The following SLC9A1 variants were observed in gnomAD, a reference collection of about 807,000 sequenced individuals.
SLC9A1 encodes the protein sodium/hydrogen exchanger 1.
In SLC9A1, 22 loss-of-function variants were observed where a neutral mutation model predicts 67.9. The ratio of observed to expected loss-of-function variants is 0.32; its 90% CI spans 0.23 to 0.46. SLC9A1 has a LOEUF of 0.46. Ranked by LOEUF, SLC9A1 falls within the 20% of genes least tolerant of loss-of-function variation. The probability of loss-of-function intolerance (pLI) is 1.00; values close to 1 mark genes in which losing one functional copy is unlikely to be tolerated. For missense variants in SLC9A1, 686 were observed against 1,094.8 expected (o/e 0.63, Z 5.27); for synonymous variants, 421 against 471.8 (o/e 0.89, Z 1.40).
Position 27,102,017 on chromosome 1 carries a change from C to T in SLC9A1, c.1934G>A (p.Arg645Gln), listed in dbSNP as rs780988172. 12 of 1,608,942 alleles carry T rather than the reference C, an allele frequency of 7.5e-6. No homozygotes were observed. Among genetic ancestry groups the T allele is most frequent in the South Asian group, 2.2e-5 (2 of 90,984 alleles). ...LRNNLQKTRQRLRSYNRHTLV... is the reference protein window; with the variant it reads ...LRNNLQKTRQQLRSYNRHTLV... ...TCGGGCTGGGGAGCAGGCCCTCACC[C>T]GCTGCCTGGTCTTCTGCAAGTTGTT... The change falls in exon 9 of 12, where the codon CGG (arginine) becomes CAG (glutamine). Residue 645 changes from arginine (R) to glutamine (Q), a missense_variant and splice_region_variant. Around this residue, in one of 7 missense-constraint regions of SLC9A1, gnomAD observed 226 missense variants for 282.4 expected, o/e 0.80. Coordinates refer to ENST00000263980, the MANE Select transcript of SLC9A1 (RefSeq NM_003047.5).
intron 1 of SLC9A1, among the ~76,000 whole-genome samples, chr1:27,117,568 G>A (rs2083279740): frequency 6.6e-6 from 1 of 152,174 alleles, no homozygotes; most frequent in Non-Finnish European, 1.5e-5. Flanking sequence ...TCCTGCCTGG[G>A]GAGGGGGCAG....
chr1:27,153,114 C>T (rs1284780515), intron 1 of SLC9A1, among the ~76,000 whole-genome samples: 1 of 152,124 alleles, frequency 6.6e-6, no homozygotes, highest in Non-Finnish European at 1.5e-5. Context: ...GTTTCCTTCT[C>T]CCCAAAAGAA....
At chr1:27,150,344 A>G (rs1376521121) in intron 1 of SLC9A1, among the ~76,000 whole-genome samples, 1 of 152,248 alleles carries the variant, frequency 6.6e-6, no homozygotes, top group Non-Finnish European at 1.5e-5. Flanking sequence ...TCAGGAGACA[A>G]GATGAATACC....
chr1:27,107,420 C>A (rs1180757559), intron 4 of SLC9A1, among the ~76,000 whole-genome samples: 1 of 150,056 alleles, frequency 6.7e-6, no homozygotes, highest in Non-Finnish European at 1.5e-5. Flanking sequence ...ACACATCCAG[C>A]CCCCCTACAA....
intron 1 of SLC9A1, among the ~76,000 whole-genome samples, chr1:27,144,071 C>T (rs1267972742): frequency 6.6e-6 from 1 of 152,144 alleles, no homozygotes; most frequent in African/African-American, 2.4e-5. Context: ...AAAAATAAAT[C>T]TGCCATAGAA....
At chr1:27,120,574 C>T (rs1389239576) in intron 1 of SLC9A1, among the ~76,000 whole-genome samples, 1 of 151,790 alleles carries the variant, frequency 6.6e-6, no homozygotes, top group Non-Finnish European at 1.5e-5. Context: ...CTCGTCTCTA[C>T]GAAAAATACA....
chr1:27,129,031 A>G (rs1322339740), intron 1 of SLC9A1, among the ~76,000 whole-genome samples: 1 of 152,146 alleles, frequency 6.6e-6, no homozygotes, highest in Non-Finnish European at 1.5e-5. Context: ...GCAGATCTAG[A>G]TTCCCAGAAA....
intron 1 of SLC9A1, among the ~76,000 whole-genome samples, chr1:27,145,746 G>A (rs2083481111): frequency 6.6e-6 from 1 of 152,176 alleles, no homozygotes. Context: ...AGAATTTGCT[G>A]GGGTAATTTG....
At chr1:27,135,716 C>A (rs760573462) in intron 1 of SLC9A1, among the ~76,000 whole-genome samples, 1 of 152,110 alleles carries the variant, frequency 6.6e-6, no homozygotes, top group African/African-American at 2.4e-5. Context: ...TCCAAAAGCC[C>A]ATCAACAGGA....
At position 27,100,205 on chromosome 1, in the gene SLC9A1, G is replaced by A. The variant is rs2124123102; in HGVS notation, c.*102C>T. 2 of 838,942 alleles carry A rather than the reference G, an allele frequency of 2.4e-6. No homozygotes were observed. The highest frequency in any genetic ancestry group is 4.0e-5 in the South Asian group (2 of 50,260). The allele number at this position is 838,942 out of a possible 1,614,324, so 52.0% of individuals were successfully genotyped here. On this transcript the variant is annotated 3_prime_UTR_variant, in exon 12 of 12. Coordinates refer to ENST00000263980, the MANE Select transcript of SLC9A1 (RefSeq NM_003047.5). The surrounding 1 kb of genome is among the most constrained non-coding windows in gnomAD (Gnocchi z 5.6). ...CAGCTGCCATGCGGTAGGGGGAGGG[G>A]CAGGGCCAATCCGGGTCAGGAAGGG...
chr1:27,115,380 C>A (rs536210340), intron 1 of SLC9A1, among the ~76,000 whole-genome samples: 4 of 152,104 alleles, frequency 2.6e-5, no homozygotes, highest in Non-Finnish European at 5.9e-5. Context: ...GAACCCTGAG[C>A]TCCTGTGAGT....
intron 1 of SLC9A1, among the ~76,000 whole-genome samples, chr1:27,125,688 G>A (rs2083338662): frequency 6.6e-6 from 1 of 152,088 alleles, no homozygotes; most frequent in Non-Finnish European, 1.5e-5. Context: ...TCTGCCTCCT[G>A]GGTTCAAGCG....
chr1:27,124,185 C>T lies in SLC9A1; in HGVS notation c.353-9899G>A, dbSNP rs113002345. Among the ~76,000 whole-genome samples the T allele has an allele frequency of 2.0e-5, 3 of 152,050 alleles. No individual in the cohort carries two copies. In the East Asian group the frequency reaches 5.8e-4, roughly 29 times the overall value. The stretch of plus-strand genomic sequence containing the variant: ...AGTTTGCCCCACACCTGGGGTGGGG[C>T]AGAGGTGGGGGAAGAAACAGAGGCT... On this transcript the variant is annotated intron_variant, in intron 1 of 11. Coordinates refer to ENST00000263980, the MANE Select transcript of SLC9A1 (RefSeq NM_003047.5).
Position 27,137,826 on chromosome 1 carries a change from C to A in SLC9A1, c.352+16157G>T, listed in dbSNP as rs887438334. On this transcript the variant is annotated intron_variant, in intron 1 of 11. Coordinates refer to ENST00000263980, the MANE Select transcript of SLC9A1 (RefSeq NM_003047.5). The surrounding 1 kb of genome is among the most constrained non-coding windows in gnomAD (Gnocchi z 4.6). The stretch of plus-strand genomic sequence containing the variant: ...GGAGTCCAGCAGAGCCTGGTGCCCA[C>A]TCAGCCCCTCCCTCCCCAATGTGCC... 6.6e-6 allele frequency among the ~76,000 whole-genome samples: 1 copy of A among 152,224 alleles called. No individual in the cohort carries two copies. Among genetic ancestry groups the A allele is most frequent in the Non-Finnish European group, 1.5e-5 (1 of 68,034 alleles).
chr1:27,141,549 C>T (rs1188314554), intron 1 of SLC9A1, among the ~76,000 whole-genome samples: 1 of 152,248 alleles, frequency 6.6e-6, no homozygotes, highest in Non-Finnish European at 1.5e-5. Context: ...CACCTCTAAA[C>T]TCCCGTAGAA....
Position 27,154,516 on chromosome 1 carries a change from C to T in SLC9A1, c.-182G>A. On this transcript the variant is annotated 5_prime_UTR_variant, in exon 1 of 12. Coordinates refer to ENST00000263980, the MANE Select transcript of SLC9A1 (RefSeq NM_003047.5). The stretch of plus-strand genomic sequence containing the variant: ...GGTGGAGGGAGGCTGGGTTTGCAAT[C>T]TGGAACTCCAAAGTGGGGAAAGGGG... The T allele has an allele frequency of 1.9e-6, 1 of 521,876 alleles. No individual in the cohort carries two copies. The highest frequency in any genetic ancestry group is 3.4e-6 in the Non-Finnish European group (1 of 296,602). The allele number at this position is 521,876 out of a possible 1,614,324, so 32.3% of individuals were successfully genotyped here.
chr1:27,145,898 A>G (rs995929042), intron 1 of SLC9A1, among the ~76,000 whole-genome samples: 1 of 152,244 alleles, frequency 6.6e-6, no homozygotes, highest in Non-Finnish European at 1.5e-5. Flanking sequence ...GAAGGCGGGC[A>G]GCCCACTGAT....
Position 27,107,690 on chromosome 1 carries a change from C to G in SLC9A1, c.1240G>C (p.Val414Leu), listed in dbSNP as rs578200492. Reference sequence around the variant, plus strand: ...AGGCAGAAGAGCAGGGTGCTGATGACGAAGGTCCAGTTCCAGTGGTGGGAG... The same window carrying G: ...AGGCAGAAGAGCAGGGTGCTGATGAGGAAGGTCCAGTTCCAGTGGTGGGAG... ...AGSHHWNWTF[V>L]ISTLLFCLIA... is the part of the protein sequence containing the mutation. The change falls in exon 4 of 12, where the codon GTC (valine) becomes CTC (leucine). Residue 414 changes from valine to leucine, a missense_variant. Physicochemically the swap from Val to Leu is conservative, Grantham distance 32. This residue lies in a region of SLC9A1 where 168 missense variants were observed against 375.4 expected (regional missense o/e 0.45). Coordinates refer to ENST00000263980, the MANE Select transcript of SLC9A1 (RefSeq NM_003047.5). 6.4e-7 allele frequency: 1 copy of G among 1,570,094 alleles called. No individual in the cohort carries two copies. Among genetic ancestry groups the G allele is most frequent in the Non-Finnish European group, 8.6e-7 (1 of 1,157,760 alleles).
intron 1 of SLC9A1, among the ~76,000 whole-genome samples, chr1:27,116,653 G>A (rs894450642): frequency 2.0e-5 from 3 of 152,146 alleles, no homozygotes; most frequent in African/African-American, 7.2e-5. Flanking sequence ...TCTTTGTACT[G>A]TCCACCAGTC....
Sources: allele counts gnomAD v4.1 joint callset (sites outside exome capture counted in the v4.1 genomes callset), GRCh38; gene constraint gnomAD v4.1.1; regional missense constraint gnomAD v4.1.1; non-coding constraint Gnocchi (gnomAD v3.1); transcripts MANE v1.5; gene names NCBI Gene and HGNC (gene_info 2026-07-23, HGNC 2026-07-21).